Variants in AGBL1 observed in about 807,000 individuals in gnomAD.
AGBL1 encodes AGBL carboxypeptidase 1, also known as cytosolic carboxypeptidase 4.
Under a neutral mutation model 118.9 loss-of-function variants are expected in AGBL1, and 130 were observed. The ratio of observed to expected loss-of-function variants is 1.09; its 90% CI spans 0.95 to 1.26. The LOEUF is 1.26. Ranked by LOEUF, AGBL1 falls within the 50% of genes most tolerant of loss-of-function variation. AGBL1 has a pLI of 0.00. For synonymous variants in AGBL1, 555 were observed against 478.9 expected (o/e 1.16, Z -2.08); for missense variants, 1,584 against 1,298.1 (o/e 1.22, Z -3.38).
intron 18 of AGBL1, among the ~76,000 whole-genome samples, chr15:86,462,574 A>G (rs1770167062): frequency 6.6e-6 from 1 of 151,904 alleles, no homozygotes; most frequent in African/African-American, 2.4e-5. Context: ...TCCTAATACT[A>G]TCCCTCCCCT....
rs553930548 is a variant in AGBL1 at position 86,351,348 on chromosome 15, T to TC, written c.2375-46012dup. The stretch of plus-strand genomic sequence containing the variant: ...TTATGGCCTTATTACCTCTTGAATG[T>TC]CCCCCCTGTTAATACTGTTACCATA... On this transcript the variant is annotated intron_variant, in intron 17 of 22. Transcript: ENST00000614907. Among the ~76,000 whole-genome samples, 592 of 152,180 alleles carry TC rather than the reference T, an allele frequency of 3.9e-3. 4 individuals carry two copies. The highest frequency in any genetic ancestry group is 0.013 in the African/African-American group (550 of 41,518).
chr15:86,406,042 T>C (rs927586094), intron 18 of AGBL1, among the ~76,000 whole-genome samples: 3 of 152,214 alleles, frequency 2.0e-5, no homozygotes, highest in African/African-American at 7.2e-5. Flanking sequence ...GAGTGGCCTG[T>C]ATCCAAATAG....
At chr15:86,534,205 G>A (rs937608719) in intron 19 of AGBL1, among the ~76,000 whole-genome samples, 1 of 151,758 alleles carries the variant, frequency 6.6e-6, no homozygotes, top group South Asian at 2.1e-4. Context: ...CAAGGAAACT[G>A]GAGTGGTAGA....
chr15:86,950,205 C>G (rs559698831), intron 23 of AGBL1, among the ~76,000 whole-genome samples: 5 of 151,226 alleles, frequency 3.3e-5, no homozygotes, highest in Non-Finnish European at 7.4e-5. Context: ...TCTCAAAAAA[C>G]AGTAACTTAT....
At chr15:86,817,934 C>T (rs984177760) in intron 22 of AGBL1, among the ~76,000 whole-genome samples, 3 of 151,988 alleles carry the variant, frequency 2.0e-5, no homozygotes, top group Admixed American at 6.5e-5. Context: ...AGTCATGTGA[C>T]GATGGAGGCA....
intron 18 of AGBL1, among the ~76,000 whole-genome samples, chr15:86,451,319 A>G (rs1409541325): frequency 1.2e-4 from 19 of 152,202 alleles, no homozygotes; most frequent in Admixed American, 1.2e-3. Context: ...GAAGGACCTT[A>G]GAGACATCTA....
At chr15:86,256,747 C>A in intron 7 of AGBL1, 106 bp from the exon 8 acceptor site, 1 of 1,155,482 alleles carries the variant, frequency 8.7e-7, no homozygotes, top group Non-Finnish European at 1.2e-6. Context: ...TGAAACACAG[C>A]TAGGAGACTG....
chr15:86,529,343 G>C (rs2083314995), intron 19 of AGBL1, among the ~76,000 whole-genome samples: 1 of 135,954 alleles, frequency 7.4e-6, no homozygotes, highest in Non-Finnish European at 1.5e-5. Flanking sequence ...CGATCAACTG[G>C]AAGAAAGGGT....
At chr15:86,958,695 T>A (rs2080958734) in intron 23 of AGBL1, among the ~76,000 whole-genome samples, 1 of 152,174 alleles carries the variant, frequency 6.6e-6, no homozygotes, top group Admixed American at 6.5e-5. Context: ...TATAAATCGA[T>A]CTTAGAAAAA....
chr15:86,747,265 T>C lies in AGBL1; in HGVS notation c.3158+72829T>C, dbSNP rs188390348. On this transcript the variant is annotated intron_variant, in intron 22 of 22. Coordinates refer to ENST00000614907, the MANE Select transcript of AGBL1 (RefSeq NM_001386094.1). ...CTTATTAAGGAGTTTGTAAAAATAT[T>C]TGAAAGAAAACAGTAATAGCCCATG... Among the ~76,000 whole-genome samples the C allele has an allele frequency of 3.8e-4, 58 of 152,236 alleles. No individual in the cohort carries two copies. The East Asian group carries it at 0.011, about 29-fold the overall frequency.
rs3030280 is a variant in AGBL1 at position 86,997,890 on chromosome 15, GACACACACACACACAC to G, written c.3323+9833_3323+9848del. On this transcript the variant is annotated intron_variant, in intron 24 of 24. Coordinates refer to the AGBL1 transcript ENST00000441037. ...CAATATATTGGCCAAACATGTGGAA[GACACACACACACACAC>G]ACACACACACACACACACACACACA... Among the ~76,000 whole-genome samples, 151 of 145,936 alleles carry G rather than the reference GACACACACACACACAC, an allele frequency of 1.0e-3. 1 individual carries two copies. Among genetic ancestry groups the G allele is most frequent in the African/African-American group, 3.2e-3 (127 of 39,930 alleles).
chr15:86,180,461 C>T (rs913704788), intron 5 of AGBL1, among the ~76,000 whole-genome samples: 1 of 152,036 alleles, frequency 6.6e-6, no homozygotes, highest in African/African-American at 2.4e-5. Flanking sequence ...GCTGGAAAAT[C>T]TGGATATTCA....
chr15:86,160,725 C>T (rs112624188), intron 5 of AGBL1, among the ~76,000 whole-genome samples: 2 of 152,128 alleles, frequency 1.3e-5, no homozygotes, highest in African/African-American at 2.4e-5. Flanking sequence ...TGGTTTCTTC[C>T]TTTAGATTAT....
chr15:86,861,439 CCTATT>C (rs2079557801), intron 22 of AGBL1, among the ~76,000 whole-genome samples: 1 of 152,028 alleles, frequency 6.6e-6, no homozygotes, highest in Non-Finnish European at 1.5e-5. Context: ...TGTTATTATC[CCTATT>C]CTATTAATAT....
At chr15:86,368,785 T>G (rs1596025014) in intron 17 of AGBL1, among the ~76,000 whole-genome samples, 1 of 152,142 alleles carries the variant, frequency 6.6e-6, no homozygotes, top group Non-Finnish European at 1.5e-5. Context: ...TATTATAAGA[T>G]GTAATAGCTG....
intron 21 of AGBL1, among the ~76,000 whole-genome samples, chr15:86,633,243 G>A (rs1045326959): frequency 1.3e-5 from 2 of 152,098 alleles, no homozygotes; most frequent in African/African-American, 2.4e-5. Context: ...ATAGAACTTA[G>A]GTGAATGTTA....
intron 5 of AGBL1, among the ~76,000 whole-genome samples, chr15:86,179,245 T>C (rs1356390114): frequency 1.3e-5 from 2 of 152,232 alleles, no homozygotes; most frequent in African/African-American, 2.4e-5. Context: ...TTTCTTTGTA[T>C]GACTAAAGCC....
intron 17 of AGBL1, among the ~76,000 whole-genome samples, chr15:86,303,200 A>C (rs1597706939): frequency 6.6e-6 from 1 of 152,328 alleles, no homozygotes; most frequent in Non-Finnish European, 1.5e-5. Flanking sequence ...TAAGTTGTGG[A>C]TAATAATACT....
At chr15:86,160,893 G>A (rs1042148818) in intron 5 of AGBL1, among the ~76,000 whole-genome samples, 2 of 152,178 alleles carry the variant, frequency 1.3e-5, no homozygotes, top group Non-Finnish European at 1.5e-5. Flanking sequence ...TCCTTCTGGG[G>A]TGCTCACATA....
Sources: allele counts gnomAD v4.1 joint callset (sites outside exome capture counted in the v4.1 genomes callset), GRCh38; gene constraint gnomAD v4.1.1; transcripts MANE v1.5; gene names NCBI Gene and HGNC (gene_info 2026-07-23, HGNC 2026-07-21).